Variants in HK1 observed in about 807,000 individuals in gnomAD.
HK1 encodes hexokinase 1, also known as hexokinase-1.
A neutral mutation model predicts 91.6 loss-of-function variants in HK1; 28 were observed. That is an observed-to-expected ratio of 0.31 (90% confidence interval 0.23 to 0.42). The LOEUF (loss-of-function observed/expected upper bound fraction) is 0.42, where lower values mean the gene tolerates loss of function less well. Ranked by LOEUF, HK1 falls within the 10% of genes least tolerant of loss-of-function variation. The probability of loss-of-function intolerance (pLI) is 1.00; values close to 1 mark genes in which losing one functional copy is unlikely to be tolerated. For synonymous variants in HK1, 430 were observed against 468.1 expected (o/e 0.92, Z 1.05); for missense variants, 770 against 1,219.8 (o/e 0.63, Z 5.49).
intron 1 of HK1, among the ~76,000 whole-genome samples, chr10:69,276,142 C>CACACAT (rs1403969817): frequency 1.1e-5 from 1 of 88,810 alleles, no homozygotes; most frequent in Non-Finnish European, 2.1e-5. Context: ...TATATATACA[C>CACACAT]ATATATATAT....
intron 7 of HK1, among the ~76,000 whole-genome samples, chr10:69,374,299 G>A (rs989347942): frequency 5.9e-5 from 9 of 152,180 alleles, no homozygotes; most frequent in Non-Finnish European, 8.8e-5. Context: ...ATGACTTCTC[G>A]TGGTTGATGA....
chr10:69,353,643 G>T, intron 2 of HK1, among the ~76,000 whole-genome samples: 2 of 146,298 alleles, frequency 1.4e-5, no homozygotes. Context: ...AAAGCAAAAA[G>T]AAGAAAACCT....
intron 5 of HK1, among the ~76,000 whole-genome samples, chr10:69,302,075 A>G (rs916749291): frequency 7.9e-5 from 12 of 151,832 alleles, no homozygotes; most frequent in African/African-American, 2.9e-4. Context: ...GTGAAACCCC[A>G]TCTCTACTAA....
chr10:69,369,353 T>G lies in HK1; in HGVS notation c.691+17T>G, dbSNP rs1396594658. On this transcript the variant is annotated intron_variant, in intron 6 of 17. Coordinates refer to ENST00000359426, the MANE Select transcript of HK1 (RefSeq NM_000188.3). This position sits in a 1 kb window ranked among gnomAD's most constrained non-coding sequence, Gnocchi z 4.4. Reference sequence around the variant, plus strand: ...TGATCATCGGTAATGCATTCCCCTTTGCCCATCCATTTGTTCGGCCCATCT... The same window carrying G: ...TGATCATCGGTAATGCATTCCCCTTGGCCCATCCATTTGTTCGGCCCATCT... The G allele has an allele frequency of 6.2e-7, 1 of 1,613,414 alleles. No homozygotes were observed. The highest frequency in any genetic ancestry group is 1.1e-5 in the South Asian group (1 of 91,074).
chr10:69,394,918 A>G (rs756674939), intron 15 of HK1, 32 bp from the exon 16 acceptor site: 2 of 1,613,354 alleles, frequency 1.2e-6, no homozygotes, highest in Non-Finnish European at 8.5e-7. Flanking sequence ...GCCACTTCCC[A>G]TAGACACCCC....
chr10:69,398,506 T>C (rs1840239991), intron 16 of HK1, 89 bp from the exon 17 acceptor site: 1 of 904,544 alleles, frequency 1.1e-6, no homozygotes, highest in South Asian at 1.4e-5. Flanking sequence ...GTACAGTGAT[T>C]GGGGGCGGGG....
intron 3 of HK1, among the ~76,000 whole-genome samples, chr10:69,360,322 C>T (rs1213368876): frequency 6.6e-6 from 1 of 152,216 alleles, no homozygotes; most frequent in Non-Finnish European, 1.5e-5. Context: ...GGAGGCTCCG[C>T]AGCTCTGTTG....
chr10:69,389,492 C>A, intron 14 of HK1, 196 bp downstream of exon 14: 1 of 644,000 alleles, frequency 1.6e-6, no homozygotes, highest in South Asian at 1.5e-5. Flanking sequence ...GGGGGCCTTT[C>A]TTAAGACACC....
chr10:69,334,212 A>G (rs1847867192), intron 1 of HK1, among the ~76,000 whole-genome samples: 1 of 152,240 alleles, frequency 6.6e-6, no homozygotes, highest in African/African-American at 2.4e-5. Flanking sequence ...TGAGAGACAC[A>G]TATGAACCTG....
intron 1 of HK1, among the ~76,000 whole-genome samples, chr10:69,275,983 A>G (rs7905200): frequency 0.99 from 148,429 of 149,828 alleles, 73,544 homozygotes; most frequent in Non-Finnish European, 1. Context: ...CCAGCTACTC[A>G]GGAGGTTGAG....
chr10:69,299,462 G>A (rs1421875658), intron 4 of HK1, among the ~76,000 whole-genome samples: 1 of 151,224 alleles, frequency 6.6e-6, no homozygotes, highest in African/African-American at 2.5e-5. Flanking sequence ...CGCCTCCTGG[G>A]TTCAAGCGAT....
At chr10:69,341,143 A>ATAT (rs149050284) in intron 1 of HK1, among the ~76,000 whole-genome samples, 1 of 151,888 alleles carries the variant, frequency 6.6e-6, no homozygotes, top group African/African-American at 2.4e-5. Context: ...TCCTTTAAAA[A>ATAT]ATATATATAC....
chr10:69,397,046 T>C (rs1840175804), intron 16 of HK1, among the ~76,000 whole-genome samples: 1 of 152,254 alleles, frequency 6.6e-6, no homozygotes, highest in Non-Finnish European at 1.5e-5. Flanking sequence ...GCATTTTGTT[T>C]ATTCATTCAT....
rs1052996157 is a variant in HK1 at position 69,288,669 on chromosome 10, A to T, written c.-214-2A>T. The T allele has an allele frequency of 1.4e-6, 2 of 1,386,504 alleles. No individual in the cohort carries two copies. Among genetic ancestry groups the T allele is most frequent in the Non-Finnish European group, 2.1e-6 (2 of 972,158 alleles). 85.9% of individuals were successfully genotyped at this position (1,386,504 alleles called of 1,614,324 possible). ...CCTTCTTTGAACTTGGCCTTTCTCT[A>T]GGCGTTCAAGACCCAGCTGTTGAGA... On this transcript the variant is annotated splice_acceptor_variant, in intron 2 of 21. Transcript: ENST00000360289. LOFTEE classifies it low-confidence loss of function (5UTR_SPLICE).
chr10:69,380,536 G>A lies in HK1; in HGVS notation c.1265+441G>A, dbSNP rs1174349841. On this transcript the variant is annotated intron_variant, in intron 9 of 17. Transcript: ENST00000359426. This position sits in a 1 kb window ranked among gnomAD's most constrained non-coding sequence, Gnocchi z 4.0. ...TCTCTCGTCCGCATTTCATCAGGAG[G>A]ACCTTGGGTCATAGGTGTGGTACCC... is the stretch of plus-strand genomic sequence containing the variant. 6.6e-6 allele frequency among the ~76,000 whole-genome samples: 1 copy of A among 152,188 alleles called. No individual in the cohort carries two copies. Among genetic ancestry groups the A allele is most frequent in the African/African-American group, 2.4e-5 (1 of 41,444 alleles).
chr10:69,282,267 C>T (rs1344522006), intron 1 of HK1, among the ~76,000 whole-genome samples: 2 of 152,140 alleles, frequency 1.3e-5, no homozygotes, highest in Non-Finnish European at 2.9e-5. Context: ...TTCAATATCA[C>T]CGTCCTCCTC....
rs34434447 is a variant in HK1 at position 69,293,855 on chromosome 10, C to CT, written c.-114-1754dup. The stretch of plus-strand genomic sequence containing the variant: ...CCCCGAAGCACAAGCATATTTCTTT[C>CT]TTTTTTTTTTTTTTTTTTTTTTTTG... On this transcript the variant is annotated intron_variant, in intron 3 of 21. Transcript: ENST00000360289. Among the ~76,000 whole-genome samples, 789 of 98,896 alleles carry CT rather than the reference C, an allele frequency of 8.0e-3. 5 individuals are homozygous for CT. The highest frequency in any genetic ancestry group is 0.014 in the South Asian group (41 of 2,926). 64.9% of individuals were successfully genotyped at this position (98,896 alleles called of 152,430 possible).
intron 16 of HK1, among the ~76,000 whole-genome samples, chr10:69,395,886 C>T (rs1271384437): frequency 1.3e-5 from 2 of 152,114 alleles, no homozygotes; most frequent in Non-Finnish European, 2.9e-5. Flanking sequence ...CTAAGGCACG[C>T]TGTGTGAGAA....
At chr10:69,375,169 G>A (rs1839025427) in intron 7 of HK1, among the ~76,000 whole-genome samples, 1 of 152,286 alleles carries the variant, frequency 6.6e-6, no homozygotes, top group African/African-American at 2.4e-5. Context: ...TTGTAATGAG[G>A]ATGAAAAAAG....
Sources: allele counts gnomAD v4.1 joint callset (sites outside exome capture counted in the v4.1 genomes callset), GRCh38; gene constraint gnomAD v4.1.1; non-coding constraint Gnocchi (gnomAD v3.1); transcripts MANE v1.5; gene names NCBI Gene and HGNC (gene_info 2026-07-23, HGNC 2026-07-21).